The following POU3F3 variants were observed in gnomAD, a reference collection of about 807,000 sequenced individuals.
The protein encoded by POU3F3 is POU domain, class 3, transcription factor 3.
In POU3F3, 1 loss-of-function variant was observed where a neutral mutation model predicts 8.6. That is an observed-to-expected ratio of 0.12 (90% CI 0.04 to 0.55). The LOEUF (loss-of-function observed/expected upper bound fraction) is 0.55. Ranked by LOEUF, POU3F3 falls within the 20% of genes least tolerant of loss-of-function variation. The pLI, the probability that POU3F3 is intolerant of heterozygous loss-of-function variation, is 0.91. For synonymous variants in POU3F3, 418 were observed against 327.4 expected (o/e 1.28, Z -2.99); for missense variants, 577 against 690.7 (o/e 0.84, Z 1.84).
At chr2:104,867,397 C>G in the POU3F3 span, 2 of 152,260 alleles carry the variant, frequency 1.3e-5, no homozygotes, top group Non-Finnish European at 2.9e-5. This position sits in a 1 kb window ranked among gnomAD's most constrained non-coding sequence, Gnocchi z 5.0. Context: ...AACAAAGGCT[C>G]CCTACAAAAC....
the POU3F3 span, among the ~76,000 whole-genome samples, chr2:104,885,454 A>T: frequency 1.3e-5 from 2 of 152,214 alleles, no homozygotes; most frequent in Non-Finnish European, 2.9e-5. Context: ...TCATAAAATG[A>T]TGCAGTAAAG....
chr2:104,861,710 G>T (rs1359947633), downstream of POU3F3, among the ~76,000 whole-genome samples: 2 of 152,256 alleles, frequency 1.3e-5, no homozygotes, highest in African/African-American at 4.8e-5. Context: ...CAGCACAGGT[G>T]TTGTTGTCGT....
chr2:104,912,617 T>C, the POU3F3 span, among the ~76,000 whole-genome samples: 1 of 152,242 alleles, frequency 6.6e-6, no homozygotes, highest in Non-Finnish European at 1.5e-5. Flanking sequence ...TTTATTTTCT[T>C]ATTTTCTCTT....
At chr2:104,925,581 C>A in the POU3F3 span, among the ~76,000 whole-genome samples, 1 of 151,994 alleles carries the variant, frequency 6.6e-6, no homozygotes, top group Non-Finnish European at 1.5e-5. Flanking sequence ...CCATGCAGAA[C>A]CTAGAGAAGG....
chr2:104,917,025 C>T, the POU3F3 span, among the ~76,000 whole-genome samples: 1 of 152,190 alleles, frequency 6.6e-6, no homozygotes, highest in East Asian at 1.9e-4. Flanking sequence ...GATTTCACTC[C>T]CTCTCTTCTT....
At chr2:104,882,787 G>A in the POU3F3 span, among the ~76,000 whole-genome samples, 2 of 152,138 alleles carry the variant, frequency 1.3e-5, no homozygotes, top group South Asian at 2.1e-4. Context: ...TCTGTTTCGA[G>A]AGTTATGTAC....
At chr2:104,912,226 A>G in the POU3F3 span, among the ~76,000 whole-genome samples, 1 of 152,160 alleles carries the variant, frequency 6.6e-6, no homozygotes. Context: ...AACCTAGCGC[A>G]TTGTGGGTGC....
rs1326473200 is a variant in POU3F3 at position 104,856,396 on chromosome 2, G to A, written c.886G>A (p.Gly296Ser). Reference protein sequence around the residue: ...HHAQGPPHHGGGGGGAGPGLN... With the variant: ...HHAQGPPHHGSGGGGAGPGLN... ...CGCGCAGGGACCCCCGCACCACGGC[G>A]GCGGCGGCGGCGGCGCGGGGCCTGG... The change falls in exon 1 of 1, where the codon GGC (glycine) becomes AGC (serine). Residue 296 changes from glycine to serine, a missense_variant. This residue lies in a region of POU3F3 where 484 missense variants were observed against 422.6 expected (regional missense o/e 1.15). Transcript: ENST00000361360. 1.3e-6 allele frequency: 2 copies of A among 1,574,684 alleles called. No individual in the cohort carries two copies. The highest frequency in any genetic ancestry group is 2.3e-5 in the East Asian group (1 of 42,568).
the POU3F3 span, among the ~76,000 whole-genome samples, chr2:104,904,714 T>C: frequency 6.6e-6 from 1 of 152,246 alleles, no homozygotes; most frequent in African/African-American, 2.4e-5. Flanking sequence ...GGTACATCAG[T>C]TCCTGTCCTT....
the POU3F3 span, among the ~76,000 whole-genome samples, chr2:104,888,425 C>G: frequency 6.6e-6 from 1 of 152,126 alleles, no homozygotes; most frequent in South Asian, 2.1e-4. Flanking sequence ...GCCATCTCCT[C>G]GTTCTTCATT....
the POU3F3 span, among the ~76,000 whole-genome samples, chr2:104,917,152 C>A: frequency 2.0e-5 from 3 of 152,216 alleles, no homozygotes; most frequent in African/African-American, 7.2e-5. Flanking sequence ...AGACCCACAC[C>A]ACTAGCTTTC....
At chr2:104,912,295 G>A in the POU3F3 span, among the ~76,000 whole-genome samples, 2 of 152,188 alleles carry the variant, frequency 1.3e-5, no homozygotes, top group African/African-American at 4.8e-5. Context: ...TGGGGCTGGG[G>A]AAGCCTCCAT....
chr2:104,877,049 T>TACAC, the POU3F3 span, among the ~76,000 whole-genome samples: 931 of 150,644 alleles, frequency 6.2e-3, 9 homozygotes, highest in African/African-American at 0.021. Context: ...GACTGTGGTA[T>TACAC]ACACACACAC....
At chr2:104,890,885 A>G in the POU3F3 span, among the ~76,000 whole-genome samples, 2 of 152,192 alleles carry the variant, frequency 1.3e-5, no homozygotes, top group Admixed American at 1.3e-4. Context: ...TTCCAGGCAG[A>G]GTCGGGATGA....
the POU3F3 span, among the ~76,000 whole-genome samples, chr2:104,868,900 G>A: frequency 6.6e-6 from 1 of 152,218 alleles, no homozygotes; most frequent in African/African-American, 2.4e-5. Flanking sequence ...ATGTGTGTGT[G>A]GTTTCCAACT....
At chr2:104,905,787 A>T in the POU3F3 span, among the ~76,000 whole-genome samples, 3 of 152,166 alleles carry the variant, frequency 2.0e-5, no homozygotes, top group Non-Finnish European at 4.4e-5. Flanking sequence ...ATTCTCTTAT[A>T]AAAACACTGG....
chr2:104,908,662 T>C, the POU3F3 span, among the ~76,000 whole-genome samples: 1 of 152,186 alleles, frequency 6.6e-6, no homozygotes, highest in East Asian at 1.9e-4. Context: ...GTGAGGAAGA[T>C]TTCCCTGTCT....
rs1233633173 is a variant in POU3F3 at position 104,855,130 on chromosome 2, G to A, written c.-381G>A. On this transcript the variant is annotated 5_prime_UTR_variant, in exon 1 of 1. Coordinates refer to ENST00000361360, the MANE Select transcript of POU3F3 (RefSeq NM_006236.3). ...GAGCCCAGCGCGCCGGGGCTGGGGG[G>A]CGGCCACGACCCCCCCTGAAGGGGG... Among the ~76,000 whole-genome samples the A allele has an allele frequency of 2.0e-5, 3 of 151,770 alleles. No individual in the cohort carries two copies. Among genetic ancestry groups the A allele is most frequent in the Non-Finnish European group, 4.4e-5 (3 of 67,872 alleles).
chr2:104,923,039 C>T, the POU3F3 span, among the ~76,000 whole-genome samples: 1 of 152,170 alleles, frequency 6.6e-6, no homozygotes, highest in Non-Finnish European at 1.5e-5. Flanking sequence ...AATCCTATAT[C>T]TAGCAAAACT....
Sources: gnomAD v4.1 joint callset for allele counts (sites outside exome capture counted in the v4.1 genomes callset) on GRCh38, gnomAD v4.1.1 for gene constraint, gnomAD v4.1.1 regional missense constraint, Gnocchi (gnomAD v3.1) non-coding constraint, MANE v1.5 for transcripts, NCBI Gene and HGNC (gene_info 2026-07-23, HGNC 2026-07-21) for gene names.